The following RXFP1 variants were observed in gnomAD, a reference collection of about 807,000 sequenced individuals.
RXFP1 encodes the protein relaxin family peptide receptor 1, also known as relaxin receptor 1.
A neutral mutation model predicts 89.8 loss-of-function variants in RXFP1; 73 were observed. The ratio of observed to expected loss-of-function variants is 0.81; its 90% CI spans 0.67 to 0.99. The LOEUF (loss-of-function observed/expected upper bound fraction) is 0.99, where lower values mean the gene tolerates loss of function less well. Among genes scored for constraint, RXFP1 ranks in the 50% least tolerant of loss-of-function variants. RXFP1 has a pLI of 0.00. For missense variants in RXFP1, 793 were observed against 895.5 expected (o/e 0.89, Z 1.46); for synonymous variants, 277 against 305.5 (o/e 0.91, Z 0.97).
At chr4:158,526,875 T>C (rs571937088) in intron 1 of RXFP1, among the ~76,000 whole-genome samples, 19 of 152,284 alleles carry the variant, frequency 1.2e-4, no homozygotes, top group African/African-American at 4.3e-4. Context: ...CCCTTGCCTC[T>C]GGCCATTGTG....
At chr4:158,578,971 AT>A (rs1228916742) in intron 2 of RXFP1, among the ~76,000 whole-genome samples, 1 of 148,392 alleles carries the variant, frequency 6.7e-6, no homozygotes, top group African/African-American at 2.5e-5. Flanking sequence ...CTTTGCAAAT[AT>A]AATGCAGGTA....
At chr4:158,641,984 C>G (rs1770466641) in intron 14 of RXFP1, among the ~76,000 whole-genome samples, 1 of 152,118 alleles carries the variant, frequency 6.6e-6, no homozygotes, top group African/African-American at 2.4e-5. Context: ...AGGAAATTCT[C>G]TCTGTTGATG....
chr4:158,545,654 A>G (rs1748127173), intron 1 of RXFP1, among the ~76,000 whole-genome samples: 1 of 152,170 alleles, frequency 6.6e-6, no homozygotes, highest in Admixed American at 6.5e-5. Flanking sequence ...ATCCAGTTTC[A>G]GCTTTCTACA....
chr4:158,634,916 C>A (rs1768849701), intron 12 of RXFP1, among the ~76,000 whole-genome samples: 1 of 152,172 alleles, frequency 6.6e-6, no homozygotes, highest in Admixed American at 6.5e-5. Flanking sequence ...CAGTACCACA[C>A]TGATTGCTGT....
chr4:158,567,838 C>T (rs898311786), intron 1 of RXFP1, among the ~76,000 whole-genome samples: 31 of 152,274 alleles, frequency 2.0e-4, no homozygotes, highest in African/African-American at 7.2e-4. Flanking sequence ...TGGGTGGGGC[C>T]AGATAAGGGA....
At chr4:158,578,654 TGTGCTAAATAA>T (rs970004664) in intron 2 of RXFP1, among the ~76,000 whole-genome samples, 12 of 152,182 alleles carry the variant, frequency 7.9e-5, no homozygotes, top group African/African-American at 2.2e-4. Context: ...AACAGAAGGC[TGTGCTAAATAA>T]GGGCTCCCCC....
At chr4:158,649,079 C>A (rs1398928958) in intron 17 of RXFP1, among the ~76,000 whole-genome samples, 1 of 147,400 alleles carries the variant, frequency 6.8e-6, no homozygotes. Context: ...CACCACTACA[C>A]TCCAGCCTGG....
chr4:158,583,801 G>A (rs1476041461), intron 2 of RXFP1, among the ~76,000 whole-genome samples: 1 of 152,178 alleles, frequency 6.6e-6, no homozygotes, highest in African/African-American at 2.4e-5. Context: ...CACAGAAAAG[G>A]TAATTTGTTA....
At chr4:158,649,349 A>AT (rs1191761303) in intron 17 of RXFP1, among the ~76,000 whole-genome samples, 2 of 152,152 alleles carry the variant, frequency 1.3e-5, no homozygotes, top group South Asian at 2.1e-4. Flanking sequence ...TAATTACTGC[A>AT]TTTTTTTTCA....
At chr4:158,633,300 C>T (rs761467056) in intron 11 of RXFP1, 105 bp from the exon 12 acceptor site, 29 of 697,384 alleles carry the variant, frequency 4.2e-5, no homozygotes, top group Non-Finnish European at 6.3e-5. Context: ...ATATAACTCA[C>T]CAATGGCATT....
At chr4:158,623,718 A>T (rs922387906) in intron 9 of RXFP1, among the ~76,000 whole-genome samples, 3 of 152,158 alleles carry the variant, frequency 2.0e-5, no homozygotes, top group African/African-American at 4.8e-5. Context: ...GCATTCACAT[A>T]TAGGATATGT....
intron 11 of RXFP1, among the ~76,000 whole-genome samples, chr4:158,630,421 G>C (rs1377924982): frequency 6.6e-6 from 1 of 152,202 alleles, no homozygotes; most frequent in Non-Finnish European, 1.5e-5. Flanking sequence ...CTAGACATTA[G>C]AATACAAGTT....
chr4:158,521,838 G>A (rs750733355), upstream of RXFP1: 1 of 569,450 alleles, frequency 1.8e-6, no homozygotes, highest in Non-Finnish European at 3.1e-6. Flanking sequence ...GGAAATGGGA[G>A]TGGAAGGAGG....
chr4:158,566,268 G>A (rs1753516351), intron 1 of RXFP1, among the ~76,000 whole-genome samples: 1 of 152,190 alleles, frequency 6.6e-6, no homozygotes, highest in South Asian at 2.1e-4. Flanking sequence ...AGAGCATCAG[G>A]TCAAAAACTT....
intron 12 of RXFP1, among the ~76,000 whole-genome samples, chr4:158,634,150 G>C (rs151322938): frequency 8.5e-5 from 13 of 152,208 alleles, no homozygotes; most frequent in African/African-American, 3.1e-4. Context: ...TAGTATACTA[G>C]GGTTTCCATT....
intron 11 of RXFP1, among the ~76,000 whole-genome samples, chr4:158,631,817 G>A (rs1465552182): frequency 6.6e-6 from 1 of 152,216 alleles, no homozygotes; most frequent in East Asian, 1.9e-4. Context: ...TTATGGCCAG[G>A]CGCAGTGGCT....
chr4:158,645,646 G>A (rs575474605), intron 15 of RXFP1, among the ~76,000 whole-genome samples: 1 of 152,146 alleles, frequency 6.6e-6, no homozygotes, highest in East Asian at 1.9e-4. Context: ...CAAAAAGTGT[G>A]CGCAATGTAA....
chr4:158,547,380 T>G (rs892355178), intron 1 of RXFP1, among the ~76,000 whole-genome samples: 6 of 152,352 alleles, frequency 3.9e-5, no homozygotes, highest in Admixed American at 3.9e-4. Context: ...ATCAATTTTG[T>G]TGATCCTTTC....
chr4:158,606,907 C>A, intron 5 of RXFP1: 1 of 679,550 alleles, frequency 1.5e-6, no homozygotes, highest in Admixed American at 2.4e-5. Flanking sequence ...TAACATTTCA[C>A]AATCAAAGTT....
Sources: gnomAD v4.1 joint callset for allele counts (sites outside exome capture counted in the v4.1 genomes callset) on GRCh38, gnomAD v4.1.1 for gene constraint, MANE v1.5 for transcripts, NCBI Gene and HGNC (gene_info 2026-07-23, HGNC 2026-07-21) for gene names.